Variants in CMYA5 observed in about 807,000 individuals in gnomAD.
The protein encoded by CMYA5 is cardiomyopathy-associated protein 5.
Under a neutral mutation model 318.9 loss-of-function variants are expected in CMYA5, and 246 were observed. The ratio of observed to expected loss-of-function variants is 0.77; its 90% CI spans 0.70 to 0.86. CMYA5 has a LOEUF of 0.86. Ranked by LOEUF, CMYA5 falls within the 40% of genes least tolerant of loss-of-function variation. The probability of loss-of-function intolerance (pLI) is 0.00; values close to 1 mark genes in which losing one functional copy is unlikely to be tolerated. For synonymous variants in CMYA5, 1,641 were observed against 1,729.5 expected, an observed-to-expected ratio of 0.95 and a Z score of 1.27; for missense variants, 4,589 against 4,678.2, an observed-to-expected ratio of 0.98 and a Z score of 0.56.
rs750644879 is a variant in CMYA5, at chr5:79,738,060, G to C, written c.9295G>C (p.Glu3099Gln). 2.5e-6 allele frequency: 4 copies of C among 1,613,208 alleles called. No individual in the cohort carries two copies. The highest frequency in any genetic ancestry group is 2.5e-6 in the Non-Finnish European group (3 of 1,179,700). ...TATCTCTTTCCCAGTAAGTTCAGTGGAAAGTGCACTAGAACATGAATATGA... is the reference window on the plus strand; with the variant it reads ...TATCTCTTTCCCAGTAAGTTCAGTGCAAAGTGCACTAGAACATGAATATGA... ...ETISFPVSSVESALEHEYDLV... is the reference protein window; with the variant it reads ...ETISFPVSSVQSALEHEYDLV... The change falls in exon 2 of 13, where the codon GAA becomes CAA. Residue 3099 changes from glutamate (E) to glutamine (Q), a missense_variant. Physicochemically the swap from Glu to Gln is conservative, Grantham distance 29. This residue lies in a region of CMYA5 where 2,431 missense variants were observed against 2,495.1 expected (regional missense o/e 0.97). Transcript: ENST00000446378.
rs1264521096 is a variant in CMYA5, at chr5:79,737,080, G to A, written c.8315G>A (p.Gly2772Asp). The A allele has an allele frequency of 1.9e-6, 3 of 1,613,720 alleles. No homozygotes were observed. Residue 2772 changes from glycine (G) to aspartate (D), a missense_variant, in exon 2 of 13, where the codon GGT becomes GAT. This residue lies in a region of CMYA5 where 2,431 missense variants were observed against 2,495.1 expected (regional missense o/e 0.97). Coordinates refer to ENST00000446378, the MANE Select transcript of CMYA5 (RefSeq NM_153610.5). ...TTCAAAGAGTCAGAGCTATGGAAAG[G>A]TGGTTCAGTAGATATCACAAAAGAA... ...EQFKESELWKGGSVDITKESM... is the reference protein window; with the variant it reads ...EQFKESELWKDGSVDITKESM...
chr5:79,762,930 AAC>A lies in CMYA5; in HGVS notation c.11408-128_11408-127del, dbSNP rs1480626452. On this transcript the variant is annotated intron_variant, in intron 8 of 12. Transcript: ENST00000446378. ...TATATTTGATCCCTTTTGGGTTTTT[AAC>A]ACAGAATACACTTTCTGATGAAAAA... is the stretch of plus-strand genomic sequence containing the variant. 9 of 1,062,316 alleles carry A rather than the reference AAC, an allele frequency of 8.5e-6. No homozygotes were observed. The African/African-American group carries it at 1.4e-4, about 17-fold the overall frequency. 65.8% of individuals were successfully genotyped at this position (1,062,316 alleles called of 1,614,324 possible).
chr5:79,708,227 T>G (rs1008084302), intron 1 of CMYA5, among the ~76,000 whole-genome samples: 8 of 152,238 alleles, frequency 5.3e-5, no homozygotes, highest in Non-Finnish European at 1.2e-4. Context: ...TCCCACGGAC[T>G]TAGCACTGTG....
At chr5:79,790,012 G>T (rs1179125152) in intron 10 of CMYA5, among the ~76,000 whole-genome samples, 3 of 152,244 alleles carry the variant, frequency 2.0e-5, no homozygotes, top group Admixed American at 6.5e-5. Context: ...GAAAGGAAGT[G>T]AGGAATGGAA....
rs62621912 is a variant in CMYA5, at chr5:79,735,735, G to T, written c.6970G>T (p.Gly2324Cys). 9 of 1,593,300 alleles carry T rather than the reference G, an allele frequency of 5.6e-6. No individual in the cohort carries two copies. Among genetic ancestry groups the T allele is most frequent in the Non-Finnish European group, 7.7e-6 (9 of 1,173,610 alleles). Residue 2324 changes from glycine to cysteine, a missense_variant, in exon 2 of 13, where the codon GGT (glycine) becomes TGT (cysteine). Around this residue, in one of 3 missense-constraint regions of CMYA5, gnomAD observed 2,431 missense variants for 2,495.1 expected, o/e 0.97. Coordinates refer to ENST00000446378, the MANE Select transcript of CMYA5 (RefSeq NM_153610.5). ...NLEIQSYSLI[G>C]EKLVMEEAKT... ...TGAAATTCAATCTTATTCACTAATC[G>T]GTGAGAAATTGGTTATGGAAGAAGC...
intron 12 of CMYA5, 116 bp from the exon 13 acceptor site, chr5:79,799,254 C>A: frequency 9.4e-7 from 1 of 1,058,980 alleles, no homozygotes; most frequent in Non-Finnish European, 1.3e-6. Flanking sequence ...ATTATTGCAA[C>A]TCCTTATTGT....
intron 9 of CMYA5, chr5:79,774,307 C>T (rs1446335225): frequency 6.6e-6 from 1 of 152,208 alleles, no homozygotes; most frequent in East Asian, 1.9e-4. Context: ...GTGACAATCC[C>T]CGGCTTGTGC....
intron 5 of CMYA5, 136 bp from the exon 6 acceptor site, chr5:79,752,540 T>G (rs1417364292): frequency 1.8e-6 from 1 of 548,932 alleles, no homozygotes; most frequent in African/African-American, 1.9e-5. Flanking sequence ...TTTAAATCCT[T>G]TTTTGGATAG....
chr5:79,696,434 T>C (rs1003105896), intron 1 of CMYA5, among the ~76,000 whole-genome samples: 2 of 152,254 alleles, frequency 1.3e-5, no homozygotes, highest in Non-Finnish European at 2.9e-5. Context: ...GGAAGATTAA[T>C]TGATGCTACT....
intron 6 of CMYA5, among the ~76,000 whole-genome samples, chr5:79,757,101 A>T (rs571584449): frequency 6.6e-6 from 1 of 151,788 alleles, no homozygotes; most frequent in Admixed American, 6.6e-5. Flanking sequence ...AGGCTCAGGC[A>T]GCAGAATTGA....
At chr5:79,701,277 T>A (rs922756186) in intron 1 of CMYA5, among the ~76,000 whole-genome samples, 4 of 151,958 alleles carry the variant, frequency 2.6e-5, no homozygotes, top group African/African-American at 7.3e-5. Context: ...GAACAAATAA[T>A]ACCTGGTGTT....
chr5:79,729,270 C>G lies in CMYA5; in HGVS notation c.505C>G (p.Pro169Ala), dbSNP rs768242479. 41 of 1,610,890 alleles carry G rather than the reference C, an allele frequency of 2.5e-5. No homozygotes were observed. The African/African-American group carries it at 5.0e-4, about 19-fold the overall frequency. ...TGTTCCAACAAACAAAAAAGGCAGT[C>G]CTTTAACTTCAGCAAGCCAGGTACT... is the stretch of plus-strand genomic sequence containing the variant. ...QDVPTNKKGS[P>A]LTSASQVLTT... The change falls in exon 2 of 13, where the codon CCT becomes GCT. Residue 169 changes from proline (P) to alanine (A), a missense_variant. By Grantham distance (27) the Pro-to-Ala change is conservative. Coordinates refer to ENST00000446378, the MANE Select transcript of CMYA5 (RefSeq NM_153610.5).
intron 5 of CMYA5, among the ~76,000 whole-genome samples, chr5:79,749,717 A>G (rs1021968782): frequency 6.6e-5 from 10 of 152,246 alleles, no homozygotes; most frequent in African/African-American, 2.4e-4. Context: ...CACCGTCCAT[A>G]GCACCATATG....
At chr5:79,762,000 A>G in intron 8 of CMYA5, 43 bp downstream of exon 8, 1 of 1,576,882 alleles carries the variant, frequency 6.3e-7, no homozygotes, top group Non-Finnish European at 8.6e-7. Context: ...GACAACGCTC[A>G]GTTCTTCACA....
In CMYA5 at chr5:79,761,795, TTG is replaced by T. The variant is rs764398106; in HGVS notation, c.11261-12_11261-11del. 7 of 1,601,948 alleles carry T rather than the reference TTG, an allele frequency of 4.4e-6. No individual in the cohort carries two copies. The South Asian group carries it at 7.8e-5, about 18-fold the overall frequency. On this transcript the variant is annotated splice_polypyrimidine_tract_variant and intron_variant, in intron 7 of 12. Transcript: ENST00000446378. Reference sequence around the variant, plus strand: ...CTTTGGAAGATGTCTTCGATTTTAATTGTGTCTTATGCTAGAGTTGGTAGAAG... The same window carrying T: ...CTTTGGAAGATGTCTTCGATTTTAATTGTCTTATGCTAGAGTTGGTAGAAG...
chr5:79,734,440 A>G lies in CMYA5; in HGVS notation c.5675A>G (p.Glu1892Gly). 6.2e-7 allele frequency: 1 copy of G among 1,613,788 alleles called. No homozygotes were observed. The highest frequency in any genetic ancestry group is 8.5e-7 in the Non-Finnish European group (1 of 1,179,808). Residue 1892 changes from glutamate (E) to glycine (G), a missense_variant, in exon 2 of 13, where the codon GAA (glutamate) becomes GGA (glycine). Around this residue, in one of 3 missense-constraint regions of CMYA5, gnomAD observed 26 missense variants for 51.8 expected, o/e 0.50. Transcript: ENST00000446378. ...MEEFFISPKDENWMLGKPENV... is the reference protein window; with the variant it reads ...MEEFFISPKDGNWMLGKPENV... ...GAATTCTTTATTTCTCCAAAGGATG[A>G]AAACTGGATGTTGGGAAAGCCAGAA... is the stretch of plus-strand genomic sequence containing the variant.
chr5:79,790,901 G>A, intron 10 of CMYA5, 69 bp from the exon 11 acceptor site: 2 of 1,012,978 alleles, frequency 2.0e-6, no homozygotes, highest in Non-Finnish European at 3.1e-6. Context: ...TCTGAAATGT[G>A]GGGCTTAGCC....
Position 79,733,365 on chromosome 5 carries a change from T to A in CMYA5, c.4600T>A (p.Trp1534Arg), listed in dbSNP as rs763272607. The A allele has an allele frequency of 6.2e-7, 1 of 1,613,514 alleles. No homozygotes were observed. The highest frequency in any genetic ancestry group is 2.2e-5 in the East Asian group (1 of 44,882). ...TGAACATGAGCTTCCACTCAGCCTA[T>A]GGGGTGAGATAAAGAAGAAAGAAAC... The part of the protein sequence containing the change: ...EPEHELPLSL[W>R]GEIKKKETEL... Residue 1534 changes from tryptophan (W) to arginine (R), a missense_variant, in exon 2 of 13, where the codon TGG (tryptophan) becomes AGG (arginine). Transcript: ENST00000446378.
chr5:79,765,678 G>C (rs1306605064), intron 9 of CMYA5, among the ~76,000 whole-genome samples: 1 of 152,140 alleles, frequency 6.6e-6, no homozygotes, highest in East Asian at 1.9e-4. Flanking sequence ...GCAGTGGTTT[G>C]TAGTTCTCCT....
Sources: gnomAD v4.1 joint callset for allele counts (sites outside exome capture counted in the v4.1 genomes callset) on GRCh38, gnomAD v4.1.1 for gene constraint, gnomAD v4.1.1 regional missense constraint, MANE v1.5 for transcripts, NCBI Gene and HGNC (gene_info 2026-07-23, HGNC 2026-07-21) for gene names.